Variants in ARHGEF3 observed in about 807,000 individuals in gnomAD.
ARHGEF3 encodes 59.8 kDA protein.
Under a neutral mutation model 63.2 loss-of-function variants are expected in ARHGEF3, and 28 were observed. The ratio of observed to expected loss-of-function variants is 0.44; its 90% CI spans 0.33 to 0.61. The LOEUF (loss-of-function observed/expected upper bound fraction) is 0.61. Among genes scored for constraint, ARHGEF3 ranks in the 20% least tolerant of loss-of-function variants. The probability of loss-of-function intolerance (pLI) is 0.03; values close to 1 mark genes in which losing one functional copy is unlikely to be tolerated. For missense variants in ARHGEF3, 533 were observed against 659.3 expected (o/e 0.81, Z 2.10); for synonymous variants, 266 against 254.2 (o/e 1.05, Z -0.44).
At chr3:56,841,440 C>T (rs2039304714) in intron 4 of ARHGEF3, among the ~76,000 whole-genome samples, 2 of 152,136 alleles carry the variant, frequency 1.3e-5, no homozygotes, top group Admixed American at 1.3e-4. Flanking sequence ...AGTTAGTTGC[C>T]ATCAGCTCTG....
chr3:56,924,625 G>T (rs2042232508), intron 3 of ARHGEF3, among the ~76,000 whole-genome samples: 1 of 152,198 alleles, frequency 6.6e-6, no homozygotes, highest in Non-Finnish European at 1.5e-5. Context: ...AACATATAGG[G>T]TAACTTCCTG....
At chr3:56,869,065 A>G (rs891253915) in intron 4 of ARHGEF3, among the ~76,000 whole-genome samples, 5 of 152,210 alleles carry the variant, frequency 3.3e-5, no homozygotes, top group African/African-American at 7.2e-5. Flanking sequence ...TTCCTCTGCC[A>G]AATAAAGACA....
chr3:57,062,384 G>A (rs1483358988), intron 1 of ARHGEF3, among the ~76,000 whole-genome samples: 1 of 152,186 alleles, frequency 6.6e-6, no homozygotes, highest in Non-Finnish European at 1.5e-5. Flanking sequence ...CGAGGGGAGG[G>A]GAACCATGAT....
rs186345715 is a variant in ARHGEF3 at position 56,824,217 on chromosome 3, G to A, written c.193-50401C>T. ...AATTAAGAAGAGAGGAAATTGCAAG[G>A]TGCTTTGCAAACCACTGCAAAGAAA... On this transcript the variant is annotated intron_variant, in intron 4 of 12. Coordinates refer to the ARHGEF3 transcript ENST00000338458. Among the ~76,000 whole-genome samples, 331 of 152,306 alleles carry A rather than the reference G, an allele frequency of 2.2e-3. 6 individuals carry two copies. Among genetic ancestry groups the A allele is most frequent in the Non-Finnish European group, 4.0e-4 (27 of 68,028 alleles).
At chr3:56,949,275 G>T (rs1047301800) in intron 3 of ARHGEF3, among the ~76,000 whole-genome samples, 16 of 151,920 alleles carry the variant, frequency 1.1e-4, no homozygotes, top group African/African-American at 3.6e-4. Context: ...GGAAGTTCTG[G>T]CCAGGGCAAT....
intron 1 of ARHGEF3, among the ~76,000 whole-genome samples, chr3:57,061,873 C>T (rs1415989880): frequency 6.6e-6 from 1 of 152,168 alleles, no homozygotes; most frequent in Non-Finnish European, 1.5e-5. Flanking sequence ...AGAGGTCCTC[C>T]TTCTCAGATG....
At chr3:56,916,613 T>C (rs2041996942) in intron 3 of ARHGEF3, 2 of 746,210 alleles carry the variant, frequency 2.7e-6, no homozygotes, top group Admixed American at 8.5e-5. Context: ...GTTCAGTTTC[T>C]GACTGACAAT....
At chr3:57,066,010 G>A (rs532183945) in intron 1 of ARHGEF3, among the ~76,000 whole-genome samples, 4 of 151,666 alleles carry the variant, frequency 2.6e-5, no homozygotes, top group African/African-American at 9.7e-5. Flanking sequence ...GAGGCCAGGA[G>A]GGCAACACAG....
At chr3:56,975,761 C>CT in intron 2 of ARHGEF3, 1 of 420,546 alleles carries the variant, frequency 2.4e-6, no homozygotes, top group South Asian at 1.7e-5. Context: ...CAAACACTTA[C>CT]TATGTACCAG....
At chr3:56,755,221 T>C in intron 2 of ARHGEF3, 70 bp from the exon 3 acceptor site, 1 of 1,495,412 alleles carries the variant, frequency 6.7e-7, no homozygotes, top group Non-Finnish European at 9.1e-7. Context: ...AGCAGTTTCC[T>C]GTCGTTGACG....
At chr3:57,027,779 A>G (rs1275135244) in intron 2 of ARHGEF3, among the ~76,000 whole-genome samples, 2 of 152,096 alleles carry the variant, frequency 1.3e-5, no homozygotes, top group Non-Finnish European at 1.5e-5. Flanking sequence ...GAATCGCTTG[A>G]ACCTGGGAGG....
chr3:56,983,294 T>C (rs955950367), intron 2 of ARHGEF3, among the ~76,000 whole-genome samples: 1 of 152,162 alleles, frequency 6.6e-6, no homozygotes, highest in Non-Finnish European at 1.5e-5. Flanking sequence ...CAAGTGACCA[T>C]GGTCTGCTAG....
chr3:56,735,250 C>A (rs2033524232), intron 8 of ARHGEF3, among the ~76,000 whole-genome samples: 1 of 152,202 alleles, frequency 6.6e-6, no homozygotes, highest in South Asian at 2.1e-4. Context: ...TGCCACTGCA[C>A]TCCAGCCTGG....
chr3:57,054,224 A>C, intron 1 of ARHGEF3, among the ~76,000 whole-genome samples: 1 of 152,144 alleles, frequency 6.6e-6, no homozygotes, highest in East Asian at 1.9e-4. Flanking sequence ...TTGTGTACTT[A>C]CATTTTCATT....
At chr3:57,059,216 A>T (rs1705088121) in intron 1 of ARHGEF3, among the ~76,000 whole-genome samples, 1 of 152,088 alleles carries the variant, frequency 6.6e-6, no homozygotes, top group South Asian at 2.1e-4. Context: ...TATATTCATT[A>T]CTTGTATTTT....
chr3:56,883,192 A>G (rs566480362), intron 3 of ARHGEF3, among the ~76,000 whole-genome samples: 5 of 152,210 alleles, frequency 3.3e-5, no homozygotes, highest in Admixed American at 6.5e-5. Context: ...TTATAGCCAT[A>G]TGATTTTTAA....
At chr3:57,041,388 A>C (rs1024492730) in intron 1 of ARHGEF3, among the ~76,000 whole-genome samples, 87 of 152,322 alleles carry the variant, frequency 5.7e-4, no homozygotes, top group African/African-American at 2.1e-3. Flanking sequence ...CCCAAAGTGT[A>C]TCATGGTAGG....
intron 1 of ARHGEF3, among the ~76,000 whole-genome samples, chr3:57,042,609 C>G (rs1353692530): frequency 7.0e-6 from 1 of 143,326 alleles, no homozygotes; most frequent in Non-Finnish European, 1.5e-5. Context: ...TCCCCAAGAG[C>G]TGACTGTTAA....
chr3:56,906,435 G>A (rs1288454720), intron 3 of ARHGEF3, among the ~76,000 whole-genome samples: 1 of 152,196 alleles, frequency 6.6e-6, no homozygotes, highest in Non-Finnish European at 1.5e-5. Flanking sequence ...AGTCTGAATT[G>A]AGATGTGCTC....
Sources: gnomAD v4.1 joint callset for allele counts (sites outside exome capture counted in the v4.1 genomes callset) on GRCh38, gnomAD v4.1.1 for gene constraint, MANE v1.5 for transcripts, NCBI Gene and HGNC (gene_info 2026-07-23, HGNC 2026-07-21) for gene names.